The following FAM135B variants were observed in gnomAD, a reference collection of about 807,000 sequenced individuals.
FAM135B encodes the protein family with sequence similarity 135 member B.
FAM135B carries 43 observed loss-of-function variants against 127.7 expected under a neutral mutation model. That is an observed-to-expected ratio of 0.34 (90% CI 0.26 to 0.43). The LOEUF (loss-of-function observed/expected upper bound fraction) is 0.43, where lower values mean the gene tolerates loss of function less well. Ranked by LOEUF, FAM135B falls within the 20% of genes least tolerant of loss-of-function variation. The probability of loss-of-function intolerance (pLI) is 1.00; values close to 1 mark genes in which losing one functional copy is unlikely to be tolerated. For synonymous variants in FAM135B, 670 were observed against 665.1 expected, an observed-to-expected ratio of 1.01 and a Z score of -0.11; for missense variants, 1,558 against 1,725.6, an observed-to-expected ratio of 0.90 and a Z score of 1.72.
chr8:138,485,612 A>C (rs1049922643), intron 1 of FAM135B, among the ~76,000 whole-genome samples: 1 of 152,270 alleles, frequency 6.6e-6, no homozygotes, highest in Non-Finnish European at 1.5e-5. Context: ...AGGTTAATAC[A>C]GTTAAAGCAA....
intron 7 of FAM135B, among the ~76,000 whole-genome samples, chr8:138,221,654 A>G (rs1432634709): frequency 6.6e-6 from 1 of 152,208 alleles, no homozygotes; most frequent in East Asian, 1.9e-4. Flanking sequence ...GAAAAACCTC[A>G]TAATTCATGG....
intron 9 of FAM135B, among the ~76,000 whole-genome samples, chr8:138,181,555 G>C (rs953853025): frequency 2.0e-5 from 3 of 152,028 alleles, no homozygotes; most frequent in African/African-American, 7.2e-5. Flanking sequence ...CCAATCCCAG[G>C]CCCTTGTTCA....
intron 1 of FAM135B, among the ~76,000 whole-genome samples, chr8:138,436,159 G>A (rs969070317): frequency 1.3e-5 from 2 of 152,164 alleles, no homozygotes; most frequent in Non-Finnish European, 2.9e-5. Context: ...TCTTACATGT[G>A]ATAACTGGGC....
intron 3 of FAM135B, among the ~76,000 whole-genome samples, chr8:138,281,466 TAA>T (rs5895509): frequency 1.4e-5 from 2 of 148,074 alleles, no homozygotes; most frequent in African/African-American, 4.9e-5. Flanking sequence ...AGCATCAGTT[TAA>T]AAAAAAAAAA....
At chr8:138,150,299 AG>A (rs1220484836) in intron 13 of FAM135B, among the ~76,000 whole-genome samples, 2 of 152,344 alleles carry the variant, frequency 1.3e-5, no homozygotes, top group East Asian at 3.9e-4. Context: ...AGGCTCTCAA[AG>A]AACTCCCCTT....
At position 138,342,913 on chromosome 8, in the gene FAM135B, C is replaced by A. The variant is rs1463255123; in HGVS notation, c.77+24994G>T. Among the ~76,000 whole-genome samples, 5 of 152,336 alleles carry A rather than the reference C, an allele frequency of 3.3e-5. No individual in the cohort carries two copies. In the South Asian group the frequency reaches 6.2e-4, roughly 19 times the overall value. On this transcript the variant is annotated intron_variant, in intron 2 of 19. Transcript: ENST00000395297. ...ACGTGTGCATCCAAACATGCATGCA[C>A]AAATCCCATGGCCCCAGCTGTATGC...
intron 1 of FAM135B, among the ~76,000 whole-genome samples, chr8:138,442,206 T>TA (rs1246589153): frequency 6.6e-5 from 7 of 105,352 alleles, no homozygotes; most frequent in Admixed American, 1.2e-4. Context: ...AATTTGGAAA[T>TA]AAAAAAATTT....
At chr8:138,157,340 A>G (rs1293285161) in intron 12 of FAM135B, among the ~76,000 whole-genome samples, 2 of 152,196 alleles carry the variant, frequency 1.3e-5, no homozygotes, top group Admixed American at 1.3e-4. Flanking sequence ...AGCCACTATC[A>G]TACTGAATGG....
chr8:138,226,184 T>TGTGTGTGTGCGCGCGC lies in FAM135B; in HGVS notation c.669+16757_669+16758insGCGCGCGCACACACAC. ...GTGTGTGTGTGTGTGTGTGTGTGTG[T>TGTGTGTGTGCGCGCGC]GCGCGCATGTCATTTTTTTTTTCAT... On this transcript the variant is annotated intron_variant, in intron 7 of 19. Transcript: ENST00000395297. Among the ~76,000 whole-genome samples, 1,087 of 139,262 alleles carry TGTGTGTGTGCGCGCGC rather than the reference T, an allele frequency of 7.8e-3. 13 individuals are homozygous for TGTGTGTGTGCGCGCGC. Among genetic ancestry groups the TGTGTGTGTGCGCGCGC allele is most frequent in the Admixed American group, 0.021 (292 of 14,056 alleles). 91.4% of individuals were successfully genotyped at this position (139,262 alleles called of 152,430 possible). A position where few individuals can be genotyped will look rare whatever the true frequency, so the allele number is the denominator to read the frequency against.
At chr8:138,326,007 C>T (rs1307687596) in intron 2 of FAM135B, among the ~76,000 whole-genome samples, 2 of 151,996 alleles carry the variant, frequency 1.3e-5, no homozygotes, top group East Asian at 3.9e-4. Flanking sequence ...AGAAGGAGAC[C>T]CCTTAAGGAA....
At chr8:138,149,928 A>G (rs187487061) in intron 13 of FAM135B, among the ~76,000 whole-genome samples, 1 of 152,324 alleles carries the variant, frequency 6.6e-6, no homozygotes, top group East Asian at 1.9e-4. Flanking sequence ...ACTGGACAGC[A>G]TCTACTATGT....
At chr8:138,385,118 T>C (rs1000736724) in intron 1 of FAM135B, among the ~76,000 whole-genome samples, 1 of 152,146 alleles carries the variant, frequency 6.6e-6, no homozygotes, top group Non-Finnish European at 1.5e-5. Context: ...CCTGAGGCTT[T>C]TGGCCTTGAC....
rs898345322 is a variant in FAM135B, at chr8:138,247,925, C to T, written c.542+2916G>A. Among the ~76,000 whole-genome samples the T allele has an allele frequency of 2.6e-4, 39 of 152,206 alleles. 1 individual carries two copies. The highest frequency in any genetic ancestry group is 8.4e-4 in the African/African-American group (35 of 41,448). Reference sequence around the variant, plus strand: ...AGTCTCTTATCCTCTGGATGTAGCACAAAGGATGTTTCTTCTAGAAAGATT... The same window carrying T: ...AGTCTCTTATCCTCTGGATGTAGCATAAAGGATGTTTCTTCTAGAAAGATT... On this transcript the variant is annotated intron_variant, in intron 6 of 19. Transcript: ENST00000395297.
intron 1 of FAM135B, among the ~76,000 whole-genome samples, chr8:138,380,324 G>T (rs1379090435): frequency 6.6e-6 from 1 of 152,090 alleles, no homozygotes; most frequent in Non-Finnish European, 1.5e-5. Flanking sequence ...CAGCCTCTGA[G>T]TAACTGGGAT....
intron 15 of FAM135B, among the ~76,000 whole-genome samples, chr8:138,145,364 G>A (rs1343467039): frequency 6.6e-6 from 1 of 152,104 alleles, no homozygotes; most frequent in African/African-American, 2.4e-5. Flanking sequence ...AAAGTTGGGT[G>A]CACACAGGAA....
At chr8:138,164,770 C>T (rs992302331) in intron 12 of FAM135B, among the ~76,000 whole-genome samples, 1 of 152,204 alleles carries the variant, frequency 6.6e-6, no homozygotes, top group African/African-American at 2.4e-5. Flanking sequence ...CCAAGCTGTG[C>T]TCTGACCACC....
chr8:138,462,046 T>G (rs1837154185), intron 1 of FAM135B, among the ~76,000 whole-genome samples: 1 of 152,104 alleles, frequency 6.6e-6, no homozygotes, highest in South Asian at 2.1e-4. Flanking sequence ...ATGATGATAA[T>G]AATGATGATG....
intron 6 of FAM135B, among the ~76,000 whole-genome samples, chr8:138,245,158 G>T (rs958728162): frequency 2.0e-5 from 3 of 152,162 alleles, no homozygotes; most frequent in Admixed American, 2.0e-4. Flanking sequence ...TTCTGTCTGT[G>T]TTTCACTCCA....
At chr8:138,140,864 C>T (rs1817080340) in intron 17 of FAM135B, among the ~76,000 whole-genome samples, 1 of 152,208 alleles carries the variant, frequency 6.6e-6, no homozygotes, top group South Asian at 2.1e-4. Context: ...GACTTAACCA[C>T]AGGTTTGTCA....
Sources: allele counts gnomAD v4.1 joint callset (sites outside exome capture counted in the v4.1 genomes callset), GRCh38; gene constraint gnomAD v4.1.1; transcripts MANE v1.5; gene names NCBI Gene and HGNC (gene_info 2026-07-23, HGNC 2026-07-21).